Variants in PREX1 observed in about 807,000 individuals in gnomAD.
The protein encoded by PREX1 is phosphatidylinositol 3,4,5-trisphosphate-dependent Rac exchanger 1 protein.
In PREX1, 41 loss-of-function variants were observed where a neutral mutation model predicts 198.3. The ratio of observed to expected loss-of-function variants is 0.21; its 90% CI spans 0.16 to 0.27. The LOEUF (loss-of-function observed/expected upper bound fraction) is 0.27, where lower values mean the gene tolerates loss of function less well. Ranked by LOEUF, PREX1 falls within the 10% of genes least tolerant of loss-of-function variation. The pLI is 1.00. For missense variants in PREX1, 1,620 were observed against 2,200.7 expected, an observed-to-expected ratio of 0.74 and a Z score of 5.28; for synonymous variants, 843 against 887.2, an observed-to-expected ratio of 0.95 and a Z score of 0.89.
At chr20:48,751,747 ACTC>A (rs2090135160) in intron 1 of PREX1, among the ~76,000 whole-genome samples, 1 of 151,700 alleles carries the variant, frequency 6.6e-6, no homozygotes. Flanking sequence ...TGCCTGAGAA[ACTC>A]CTCCAGCCTC....
the PREX1 span, among the ~76,000 whole-genome samples, chr20:48,844,681 G>A: frequency 5.3e-5 from 8 of 152,102 alleles, no homozygotes; most frequent in African/African-American, 1.9e-4. Context: ...ACCCACGAAC[G>A]GAGACCGTGC....
rs1031914416 is a variant in PREX1 at position 48,684,378 on chromosome 20, C to A, written c.1335-3043G>T. On this transcript the variant is annotated intron_variant, in intron 10 of 39. Transcript: ENST00000371941. The surrounding 1 kb of genome is among the most constrained non-coding windows in gnomAD (Gnocchi z 4.2). The stretch of plus-strand genomic sequence containing the variant: ...TGGAATACCCATCCCTGTGACTCCA[C>A]GGCTCAGGGATGCCTCCTGGAGATG... Among the ~76,000 whole-genome samples the A allele has an allele frequency of 4.6e-5, 7 of 152,130 alleles. No homozygotes were observed. The highest frequency in any genetic ancestry group is 1.0e-4 in the Non-Finnish European group (7 of 68,018).
intron 7 of PREX1, among the ~76,000 whole-genome samples, chr20:48,696,328 G>A (rs532900235): frequency 6.6e-6 from 1 of 152,304 alleles, no homozygotes; most frequent in Non-Finnish European, 1.5e-5. Flanking sequence ...ATATCAAACT[G>A]ACCAAGCACC....
Position 48,808,772 on chromosome 20 carries a change from C to T in PREX1, c.219+18870G>A, listed in dbSNP as rs369183129. Among the ~76,000 whole-genome samples, 240 of 152,352 alleles carry T rather than the reference C, an allele frequency of 1.6e-3. 3 individuals are homozygous for T. The highest frequency in any genetic ancestry group is 5.4e-3 in the African/African-American group (223 of 41,584). ...TGACTTGACCTCCCATTGCTCTGCCCCTGGCCATTCCGGCCTCCGTGTGGA... is the reference window on the plus strand; with the variant it reads ...TGACTTGACCTCCCATTGCTCTGCCTCTGGCCATTCCGGCCTCCGTGTGGA... On this transcript the variant is annotated intron_variant, in intron 1 of 39. Transcript: ENST00000371941.
intron 5 of PREX1, among the ~76,000 whole-genome samples, chr20:48,711,553 C>A (rs2089930893): frequency 6.6e-6 from 1 of 152,142 alleles, no homozygotes; most frequent in South Asian, 2.1e-4. Flanking sequence ...GGTCAAATGA[C>A]AGTCCAAGGA....
intron 4 of PREX1, 48 bp downstream of exon 4, chr20:48,734,498 G>C (rs781110364): frequency 1.3e-6 from 2 of 1,517,262 alleles, no homozygotes; most frequent in South Asian, 1.1e-5. Flanking sequence ...GATTCCACAA[G>C]GATGAGGCCG....
At position 48,827,798 on chromosome 20, in the gene PREX1, G is replaced by C. The variant is rs2090516712; in HGVS notation, c.63C>G (p.Asp21Glu). The stretch of plus-strand genomic sequence containing the variant: ...GCGCCGCGGCGCCAGGGGCCCGGGG[G>C]TCCGGGTGGGCGCAGTCCCCGGCCC... ...GDGAGDCAHP[D>E]PRAPGAAAPS... Residue 21 changes from aspartate (D) to glutamate (E), a missense_variant, in exon 1 of 40, where the codon GAC (aspartate) becomes GAG (glutamate). By Grantham distance (45) the Asp-to-Glu change is conservative. Coordinates refer to ENST00000371941, the MANE Select transcript of PREX1 (RefSeq NM_020820.4). The surrounding 1 kb of genome is among the most constrained non-coding windows in gnomAD (Gnocchi z 4.1). 1 of 1,083,836 alleles carries C rather than the reference G, an allele frequency of 9.2e-7. No individual in the cohort carries two copies. Among genetic ancestry groups the C allele is most frequent in the Non-Finnish European group, 1.1e-6 (1 of 888,196 alleles). The allele number at this position is 1,083,836 out of a possible 1,614,324, so 67.1% of individuals were successfully genotyped here. A position where few individuals can be genotyped will look rare whatever the true frequency, so the allele number is the denominator to read the frequency against.
At chr20:48,763,521 C>T (rs1432230093) in intron 1 of PREX1, among the ~76,000 whole-genome samples, 1 of 152,222 alleles carries the variant, frequency 6.6e-6, no homozygotes, top group Non-Finnish European at 1.5e-5. Flanking sequence ...TGACACTTGA[C>T]ATCTGAAGAC....
chr20:48,725,880 T>C (rs991201877), intron 5 of PREX1, among the ~76,000 whole-genome samples: 20 of 152,206 alleles, frequency 1.3e-4, no homozygotes. Flanking sequence ...GACTGGAGGA[T>C]GATAAATGGT....
chr20:48,675,495 T>C (rs1463976596), intron 14 of PREX1, among the ~76,000 whole-genome samples: 1 of 152,222 alleles, frequency 6.6e-6, no homozygotes, highest in Non-Finnish European at 1.5e-5. Flanking sequence ...TTAGGATGGA[T>C]GCTCAGTAAA....
chr20:48,729,435 T>A (rs1228221667), intron 4 of PREX1, among the ~76,000 whole-genome samples: 1 of 152,042 alleles, frequency 6.6e-6, no homozygotes, highest in Non-Finnish European at 1.5e-5. Context: ...TTTATCTCTC[T>A]AGCCCCTAAA....
At chr20:48,847,900 C>A in the PREX1 span, among the ~76,000 whole-genome samples, 2 of 152,220 alleles carry the variant, frequency 1.3e-5, no homozygotes, top group African/African-American at 4.8e-5. Context: ...TTTCACTCAA[C>A]ATAAACAATG....
chr20:48,823,041 G>A lies in PREX1; in HGVS notation c.219+4601C>T, dbSNP rs116036790. On this transcript the variant is annotated intron_variant, in intron 1 of 39. Coordinates refer to ENST00000371941, the MANE Select transcript of PREX1 (RefSeq NM_020820.4). Reference sequence around the variant, plus strand: ...AACCACAGTTTCTTGTTTGGCAAGCGGAGCTCCAATGAGAAGAAAAACTTT... The same window carrying A: ...AACCACAGTTTCTTGTTTGGCAAGCAGAGCTCCAATGAGAAGAAAAACTTT... 2.6e-3 allele frequency among the ~76,000 whole-genome samples: 390 copies of A among 152,248 alleles called. 2 individuals are homozygous for A. The highest frequency in any genetic ancestry group is 6.8e-3 in the African/African-American group (283 of 41,544).
the PREX1 span, among the ~76,000 whole-genome samples, chr20:48,865,617 T>C: frequency 6.6e-6 from 1 of 152,252 alleles, no homozygotes; most frequent in Non-Finnish European, 1.5e-5. Context: ...GCTTTTAGCA[T>C]CCTGAGGCCT....
chr20:48,826,848 G>A (rs1016761422), intron 1 of PREX1, among the ~76,000 whole-genome samples: 2 of 152,132 alleles, frequency 1.3e-5, no homozygotes, highest in Non-Finnish European at 2.9e-5. Flanking sequence ...GACTGAGGGA[G>A]ACTCCGTCTC....
upstream of PREX1, among the ~76,000 whole-genome samples, chr20:48,828,965 T>C (rs1323749017): frequency 1.3e-5 from 2 of 152,192 alleles, no homozygotes; most frequent in Admixed American, 1.3e-4. Context: ...GTTCAAATCC[T>C]AGCTCCCCAC....
At chr20:48,639,310 C>A (rs566307008) in intron 30 of PREX1, among the ~76,000 whole-genome samples, 6 of 152,208 alleles carry the variant, frequency 3.9e-5, no homozygotes, top group Non-Finnish European at 4.4e-5. Context: ...ATGTGAGAAC[C>A]TTTGTCAAGC....
chr20:48,787,276 C>T (rs1042218840), intron 1 of PREX1, among the ~76,000 whole-genome samples: 3 of 151,928 alleles, frequency 2.0e-5, no homozygotes, highest in Non-Finnish European at 2.9e-5. Context: ...CAGGACGACA[C>T]GGCACTTATG....
intron 1 of PREX1, among the ~76,000 whole-genome samples, chr20:48,770,002 A>T (rs1432084898): frequency 6.6e-6 from 1 of 152,212 alleles, no homozygotes; most frequent in East Asian, 1.9e-4. Context: ...TTGTAAGCCC[A>T]AGGAGGTAAA....
Sources: gnomAD v4.1 joint callset for allele counts (sites outside exome capture counted in the v4.1 genomes callset) on GRCh38, gnomAD v4.1.1 for gene constraint, Gnocchi (gnomAD v3.1) non-coding constraint, MANE v1.5 for transcripts, NCBI Gene and HGNC (gene_info 2026-07-23, HGNC 2026-07-21) for gene names.